PPP4R1: variants seen among roughly 807,000 people sequenced by gnomAD.
The protein encoded by PPP4R1 is protein phosphatase 4 regulatory subunit 1.
A neutral mutation model predicts 111.2 loss-of-function variants in PPP4R1; 42 were observed. The observed-to-expected ratio is 0.38, with a 90% CI of 0.29 to 0.49. PPP4R1 has a LOEUF of 0.49. Among genes scored for constraint, PPP4R1 ranks in the 20% least tolerant of loss-of-function variants. The pLI is 0.97. For missense variants in PPP4R1, 1,012 were observed against 1,161.6 expected, an observed-to-expected ratio of 0.87 and a Z score of 1.87; for synonymous variants, 409 against 405.5, an observed-to-expected ratio of 1.01 and a Z score of -0.10.
chr18:9,564,718 G>T (rs932846721), intron 11 of PPP4R1, among the ~76,000 whole-genome samples: 9 of 55,394 alleles, frequency 1.6e-4, no homozygotes, highest in Non-Finnish European at 2.0e-4. Context: ...GTGTGTGTGT[G>T]TGTGTGTGTG....
At chr18:9,572,759 C>A (rs1242018526) in intron 10 of PPP4R1, among the ~76,000 whole-genome samples, 1 of 152,176 alleles carries the variant, frequency 6.6e-6, no homozygotes, top group African/African-American at 2.4e-5. Flanking sequence ...TTTTCACAAA[C>A]AGGTGATTAT....
At chr18:9,566,646 G>A (rs2066770601) in intron 11 of PPP4R1, among the ~76,000 whole-genome samples, 1 of 111,610 alleles carries the variant, frequency 9.0e-6, no homozygotes, top group South Asian at 3.0e-4. Flanking sequence ...GTGAGGCGCT[G>A]TGACACACAC....
chr18:9,608,879 A>G (rs761698583), intron 2 of PPP4R1, among the ~76,000 whole-genome samples: 5 of 152,166 alleles, frequency 3.3e-5, no homozygotes, highest in African/African-American at 4.8e-5. Flanking sequence ...GATCAAACAA[A>G]TGTGGCAGCA....
At chr18:9,567,310 T>C (rs943406877) in intron 11 of PPP4R1, among the ~76,000 whole-genome samples, 1 of 152,230 alleles carries the variant, frequency 6.6e-6, no homozygotes, top group African/African-American at 2.4e-5. Context: ...GGAGTGGAGC[T>C]TGAAAACGTG....
intron 11 of PPP4R1, among the ~76,000 whole-genome samples, chr18:9,569,026 T>G (rs1277873527): frequency 6.7e-6 from 1 of 149,832 alleles, no homozygotes; most frequent in African/African-American, 2.5e-5. Context: ...AGAGTGAGAC[T>G]GTCTCAAAAA....
chr18:9,568,373 T>G (rs544625869), intron 11 of PPP4R1, among the ~76,000 whole-genome samples: 1 of 152,330 alleles, frequency 6.6e-6, no homozygotes, highest in African/African-American at 2.4e-5. Flanking sequence ...TTGCAATATT[T>G]GCTCTTTTGC....
chr18:9,588,838 G>C lies in PPP4R1; in HGVS notation c.311C>G (p.Ala104Gly), dbSNP rs373456233. 8.8e-5 allele frequency: 142 copies of C among 1,613,174 alleles called. No homozygotes were observed. Among genetic ancestry groups the C allele is most frequent in the Non-Finnish European group, 1.2e-4 (137 of 1,179,746 alleles). The change falls in exon 5 of 20, where the codon GCG becomes GGG. Residue 104 changes from alanine (A) to glycine (G), a missense_variant. Around this residue, in one of 2 missense-constraint regions of PPP4R1, gnomAD observed 707 missense variants for 742.1 expected, o/e 0.95. Coordinates refer to ENST00000400556, the MANE Select transcript of PPP4R1 (RefSeq NM_001042388.3). ...GTGAGGCACCTGTTCCATCAGCTCC[G>C]CTCTCACAGTTGGTTCTATTGAAAT... ...LADDSEPTVRAELMEQVPHIA... is the reference protein window; with the variant it reads ...LADDSEPTVRGELMEQVPHIA...
chr18:9,551,668 C>A, intron 16 of PPP4R1: 1 of 152,402 alleles, frequency 6.6e-6, no homozygotes, highest in Non-Finnish European at 1.5e-5. Context: ...GGAGGGGCCC[C>A]AAAGCCTGTC....
chr18:9,554,984 T>C (rs999804334), intron 15 of PPP4R1, among the ~76,000 whole-genome samples: 1 of 152,220 alleles, frequency 6.6e-6, no homozygotes, highest in Admixed American at 6.5e-5. Context: ...AGGTTATTTT[T>C]ACATGGGAAT....
chr18:9,561,913 C>T, intron 13 of PPP4R1, 67 bp downstream of exon 13: 4 of 1,322,730 alleles, frequency 3.0e-6, no homozygotes, highest in Non-Finnish European at 4.3e-6. Flanking sequence ...CAAATTAGGT[C>T]AGAAATGGGC....
Position 9,614,248 on chromosome 18 carries a change from G to A in PPP4R1, c.30C>T (p.Asp10=), listed in dbSNP as rs932890362. The change falls in exon 2 of 20, where the codon GAC becomes GAT. Residue 10 remains aspartate (D), a synonymous_variant. Coordinates refer to ENST00000400556, the MANE Select transcript of PPP4R1 (RefSeq NM_001042388.3). The surrounding 1 kb of genome is among the most constrained non-coding windows in gnomAD (Gnocchi z 4.1). Reference sequence around the variant, plus strand: ...CACATCCGTCTGCGTCCTCCTGCAGGTCCTCCTGAAGCAGCGAGAGGTCTG... The same window carrying A: ...CACATCCGTCTGCGTCCTCCTGCAGATCCTCCTGAAGCAGCGAGAGGTCTG... MADLSLLQE[D]LQEDADGFGV... 1.8e-5 allele frequency: 24 copies of A among 1,360,208 alleles called. No individual in the cohort carries two copies. Among genetic ancestry groups the A allele is most frequent in the South Asian group, 1.0e-4 (6 of 59,342 alleles). The allele number at this position is 1,360,208 out of a possible 1,614,324, so 84.3% of individuals were successfully genotyped here.
rs562992780 is a variant in PPP4R1, at chr18:9,554,980, T to C, written c.2191-1558A>G. Among the ~76,000 whole-genome samples, 12 of 152,308 alleles carry C rather than the reference T, an allele frequency of 7.9e-5. No individual in the cohort carries two copies. In the South Asian group the frequency reaches 2.3e-3, roughly 29 times the overall value. ...GGGGAAGGAGAGAAGGCACAGGTTA[T>C]TTTTACATGGGAATGTTACTTAATA... On this transcript the variant is annotated intron_variant, in intron 15 of 19. Coordinates refer to ENST00000400556, the MANE Select transcript of PPP4R1 (RefSeq NM_001042388.3).
intron 10 of PPP4R1, among the ~76,000 whole-genome samples, chr18:9,576,835 T>C (rs1019908852): frequency 6.6e-6 from 1 of 152,214 alleles, no homozygotes; most frequent in African/African-American, 2.4e-5. Flanking sequence ...ATCTAGCTAA[T>C]TGTGTTACAT....
intron 9 of PPP4R1, among the ~76,000 whole-genome samples, chr18:9,581,848 C>T (rs1043073888): frequency 6.6e-6 from 1 of 152,078 alleles, no homozygotes; most frequent in Admixed American, 6.5e-5. Context: ...TGACACATCA[C>T]TTACAAGGGA....
rs1253414836 is a variant in PPP4R1, at chr18:9,595,128, C to T, written c.78G>A (p.Glu26=). The change falls in exon 3 of 20, where the codon GAG becomes GAA. Residue 26 remains glutamate (E), a synonymous_variant. Transcript: ENST00000400556. ...DGFGVDDYSS[E]SDVIIIPSAL... ...CTGAAGGTATAATAATCACATCAGACTCTGAGCTGTAGTCATCCACACCAA... is the reference window on the plus strand; with the variant it reads ...CTGAAGGTATAATAATCACATCAGATTCTGAGCTGTAGTCATCCACACCAA... 2 of 1,613,732 alleles carry T rather than the reference C, an allele frequency of 1.2e-6. No individual in the cohort carries two copies. The highest frequency in any genetic ancestry group is 3.3e-5 in the Admixed American group (2 of 59,960).
chr18:9,565,723 A>G (rs1001098184), intron 11 of PPP4R1, among the ~76,000 whole-genome samples: 2 of 152,222 alleles, frequency 1.3e-5, no homozygotes, highest in Non-Finnish European at 2.9e-5. Flanking sequence ...AAAGGCTGAG[A>G]GAGGTTAGGA....
In PPP4R1 at chr18:9,558,588, T is replaced by G. The variant is rs576896190; in HGVS notation, c.2028+831A>C. Among the ~76,000 whole-genome samples the G allele has an allele frequency of 2.0e-5, 3 of 152,262 alleles. No individual in the cohort carries two copies. In the East Asian group the frequency reaches 5.8e-4, roughly 29 times the overall value. On this transcript the variant is annotated intron_variant, in intron 14 of 19. Transcript: ENST00000400556. ...GAGGAACTTGACCTATCAAGATTAC[T>G]TCCAACTTATAACTTGCTGAGTCAA...
chr18:9,586,519 T>G (rs1450503553), intron 6 of PPP4R1, among the ~76,000 whole-genome samples: 1 of 152,162 alleles, frequency 6.6e-6, no homozygotes, highest in Admixed American at 6.5e-5. Context: ...TTATGTCATG[T>G]AAGGTTCACT....
At chr18:9,580,511 G>A (rs1331654949) in intron 9 of PPP4R1, among the ~76,000 whole-genome samples, 11 of 151,984 alleles carry the variant, frequency 7.2e-5, no homozygotes, top group South Asian at 2.1e-4. Flanking sequence ...CACCACACCC[G>A]GCTAATTTTT....
Sources: gnomAD v4.1 joint callset for allele counts (sites outside exome capture counted in the v4.1 genomes callset) on GRCh38, gnomAD v4.1.1 for gene constraint, gnomAD v4.1.1 regional missense constraint, Gnocchi (gnomAD v3.1) non-coding constraint, MANE v1.5 for transcripts, NCBI Gene and HGNC (gene_info 2026-07-23, HGNC 2026-07-21) for gene names.